The following CDH19 variants were observed in gnomAD, a reference collection of about 807,000 sequenced individuals.
CDH19 encodes cadherin 19.
CDH19 carries 67 observed loss-of-function variants against 64.2 expected under a neutral mutation model. The ratio of observed to expected loss-of-function variants is 1.04; its 90% CI spans 0.86 to 1.28. The LOEUF (loss-of-function observed/expected upper bound fraction) is 1.28. Among genes scored for constraint, CDH19 ranks in the 50% most tolerant of loss-of-function variants. CDH19 has a pLI of 0.00. For synonymous variants in CDH19, 346 were observed against 319.3 expected (o/e 1.08, Z -0.89); for missense variants, 1,030 against 929.0 (o/e 1.11, Z -1.41).
intron 4 of CDH19, among the ~76,000 whole-genome samples, chr18:66,552,142 G>C (rs887648229): frequency 1.3e-5 from 2 of 151,908 alleles, no homozygotes; most frequent in African/African-American, 2.4e-5. Context: ...GGGATCATTA[G>C]TACCCCAAAC....
chr18:66,530,003 T>C (rs770249011), intron 8 of CDH19, 37 bp from the exon 9 acceptor site: 1 of 1,065,940 alleles, frequency 9.4e-7, no homozygotes, highest in Admixed American at 2.5e-5. Flanking sequence ...ATCTAACATA[T>C]TTTAATATGT....
At chr18:66,544,968 T>A in intron 5 of CDH19, 65 bp from the exon 6 acceptor site, 1 of 1,226,008 alleles carries the variant, frequency 8.2e-7, no homozygotes, top group East Asian at 2.5e-5. Flanking sequence ...CAATTATAGT[T>A]TTTTGTTTGT....
At chr18:66,545,509 T>C (rs1212172699) in intron 5 of CDH19, among the ~76,000 whole-genome samples, 2 of 152,066 alleles carry the variant, frequency 1.3e-5, no homozygotes, top group African/African-American at 4.8e-5. Flanking sequence ...TGAGCATCTA[T>C]CATCATCTCT....
chr18:66,522,867 C>A (rs2144389915), intron 9 of CDH19, among the ~76,000 whole-genome samples: 1 of 151,612 alleles, frequency 6.6e-6, no homozygotes, highest in Non-Finnish European at 1.5e-5. Flanking sequence ...TTGTCTGTAG[C>A]AATTTGATAG....
intron 1 of CDH19, among the ~76,000 whole-genome samples, chr18:66,573,421 C>A (rs980140180): frequency 2.0e-5 from 3 of 151,480 alleles, no homozygotes; most frequent in African/African-American, 7.3e-5. Context: ...ATTCTGTGGT[C>A]CCGGTATACT....
chr18:66,506,236 T>G (rs1275957885), intron 11 of CDH19, among the ~76,000 whole-genome samples: 1 of 151,922 alleles, frequency 6.6e-6, no homozygotes, highest in African/African-American at 2.4e-5. Context: ...ACAGGAGGAA[T>G]AAGTTCTGGT....
chr18:66,577,132 T>C lies in CDH19; in HGVS notation c.-112-4816A>G, dbSNP rs143766991. The stretch of plus-strand genomic sequence containing the variant: ...AACTCAAAATGGTTAAAAATGTCAA[T>C]TCCCTCCAAAGTGTTGTATAAATGC... On this transcript the variant is annotated intron_variant, in intron 1 of 11. Transcript: ENST00000262150. 5.1e-3 allele frequency among the ~76,000 whole-genome samples: 773 copies of C among 151,872 alleles called. 11 individuals carry two copies. The highest frequency in any genetic ancestry group is 0.018 in the African/African-American group (730 of 41,518).
At chr18:66,568,845 A>T in intron 2 of CDH19, 135 bp from the exon 3 acceptor site, 1 of 672,608 alleles carries the variant, frequency 1.5e-6, no homozygotes, top group Non-Finnish European at 2.4e-6. Flanking sequence ...ACATTAAATG[A>T]GGCAAAATAT....
chr18:66,534,938 T>C, intron 8 of CDH19, 48 bp downstream of exon 8: 1 of 1,336,192 alleles, frequency 7.5e-7, no homozygotes, highest in South Asian at 2.1e-5. Flanking sequence ...TTGTAATTAT[T>C]TACAAAATAT....
At chr18:66,508,804 CTTGAT>C (rs1441611882) in intron 11 of CDH19, among the ~76,000 whole-genome samples, 186 bp downstream of exon 11, 1 of 151,864 alleles carries the variant, frequency 6.6e-6, no homozygotes, top group Non-Finnish European at 1.5e-5. Context: ...ATTTACTCCA[CTTGAT>C]TTAAGAATTA....
At chr18:66,570,447 C>A (rs975053851) in intron 2 of CDH19, among the ~76,000 whole-genome samples, 5 of 151,558 alleles carry the variant, frequency 3.3e-5, no homozygotes, top group African/African-American at 9.7e-5. Context: ...AAAATATTTT[C>A]CTAATTAGGC....
At chr18:66,594,749 G>A (rs932695083) in intron 1 of CDH19, among the ~76,000 whole-genome samples, 11 of 149,112 alleles carry the variant, frequency 7.4e-5, no homozygotes, top group South Asian at 6.4e-4. Context: ...GTAAACTATC[G>A]CAAGAACAAA....
chr18:66,590,053 T>C (rs140504677), intron 1 of CDH19, among the ~76,000 whole-genome samples: 128 of 152,070 alleles, frequency 8.4e-4, no homozygotes, highest in African/African-American at 3.0e-3. Flanking sequence ...AATAAATATG[T>C]AGACAAATAA....
At chr18:66,582,639 C>CAAAAAA (rs11410904) in intron 1 of CDH19, among the ~76,000 whole-genome samples, 3 of 72,872 alleles carry the variant, frequency 4.1e-5, no homozygotes, top group African/African-American at 5.3e-5. Context: ...TTACTGTCAC[C>CAAAAAA]AAAAAAAAAA....
At chr18:66,596,680 C>T (rs2144640420) in intron 1 of CDH19, among the ~76,000 whole-genome samples, 2 of 152,182 alleles carry the variant, frequency 1.3e-5, no homozygotes, top group Admixed American at 1.3e-4. Flanking sequence ...ATTCCATGCT[C>T]ATGGATAGGA....
At chr18:66,542,914 A>G (rs1986945619) in intron 7 of CDH19, among the ~76,000 whole-genome samples, 1 of 152,172 alleles carries the variant, frequency 6.6e-6, no homozygotes, top group African/African-American at 2.4e-5. Context: ...CGACCTTGGA[A>G]AAATTGTCTT....
intron 2 of CDH19, among the ~76,000 whole-genome samples, chr18:66,571,669 A>C (rs1330889935): frequency 6.6e-6 from 1 of 151,676 alleles, no homozygotes; most frequent in African/African-American, 2.4e-5. Context: ...AGCGTAACAG[A>C]AAATCGGGCT....
At chr18:66,544,291 G>T in intron 6 of CDH19, 67 bp from the exon 7 acceptor site, 4 of 1,448,164 alleles carry the variant, frequency 2.8e-6, no homozygotes, top group Non-Finnish European at 2.8e-6. Context: ...TTAGAAAAAA[G>T]GTTTTACCTG....
intron 9 of CDH19, among the ~76,000 whole-genome samples, chr18:66,519,504 A>T (rs1254307022): frequency 6.6e-6 from 1 of 152,164 alleles, no homozygotes; most frequent in East Asian, 1.9e-4. Context: ...TGCACTGTGT[A>T]ATCTTTTTGT....
Sources: gnomAD v4.1 joint callset for allele counts (sites outside exome capture counted in the v4.1 genomes callset) on GRCh38, gnomAD v4.1.1 for gene constraint, MANE v1.5 for transcripts, NCBI Gene and HGNC (gene_info 2026-07-23, HGNC 2026-07-21) for gene names.